Variants in CILP observed in about 807,000 individuals in gnomAD.
CILP encodes cartilage intermediate layer protein.
Under a neutral mutation model 82.5 loss-of-function variants are expected in CILP, and 75 were observed. That is an observed-to-expected ratio of 0.91 (90% CI 0.75 to 1.10). CILP has a LOEUF of 1.10. CILP is among the 50% of genes least tolerant of loss of function. The pLI, the probability that CILP is intolerant of heterozygous loss-of-function variation, is 0.00. For synonymous variants in CILP, 530 were observed against 580.3 expected, an observed-to-expected ratio of 0.91 and a Z score of 1.25; for missense variants, 1,479 against 1,530.8, an observed-to-expected ratio of 0.97 and a Z score of 0.56.
chr15:65,197,719 T>A lies in CILP; in HGVS notation c.2567A>T (p.Lys856Met). 1 of 1,612,968 alleles carries A rather than the reference T, an allele frequency of 6.2e-7. No homozygotes were observed. The highest frequency in any genetic ancestry group is 8.5e-7 in the Non-Finnish European group (1 of 1,180,028). Residue 856 changes from lysine to methionine, a missense_variant, in exon 9 of 9, where the codon AAG (lysine) becomes ATG (methionine). By Grantham distance (95) the Lys-to-Met change is moderately conservative. Transcript: ENST00000261883. Reference sequence around the variant, plus strand: ...ATGGTCCGTCCGACGGTAGTTGAGCTTGTTGAGATAGGGCTGAGGGACGCC... The same window carrying A: ...ATGGTCCGTCCGACGGTAGTTGAGCATGTTGAGATAGGGCTGAGGGACGCC... The part of the protein sequence containing the change: ...AIGVPQPYLN[K>M]LNYRRTDHED...
chr15:65,207,630 AG>A, intron 3 of CILP, 41 bp downstream of exon 3: 1 of 1,561,170 alleles, frequency 6.4e-7, no homozygotes, highest in Non-Finnish European at 8.8e-7. Flanking sequence ...AGCTCGTTAA[AG>A]GCTGCCCCTC....
Position 65,194,893 on chromosome 15 carries a change from G to C in CILP, c.*1838C>G, listed in dbSNP as rs983040629. 2 of 122,492 alleles carry C rather than the reference G, an allele frequency of 1.6e-5. No individual in the cohort carries two copies. The highest frequency in any genetic ancestry group is 3.3e-5 in the African/African-American group (1 of 30,462). 7.6% of individuals were successfully genotyped at this position (122,492 alleles called of 1,614,324 possible). ...ACCCTCCCCCTCCCCCCGTGAGTTT[G>C]AAGTGAACTGGTGGTCAGGTTGAAG... On this transcript the variant is annotated 3_prime_UTR_variant, in exon 9 of 9. Coordinates refer to ENST00000261883, the MANE Select transcript of CILP (RefSeq NM_003613.4).
At position 65,205,440 on chromosome 15, in the gene CILP, T is replaced by G; in HGVS notation, c.451A>C (p.Ile151Leu). ...PGSLRRDTER[I>L]WSPWSPWSKC... ...CTCCAGGGAGACCATGGGCTCCAGA[T>G]GCGCTCTGTGTCTCGGCGCAGGGAT... The change falls in exon 5 of 9, where the codon ATC (isoleucine) becomes CTC (leucine). Residue 151 changes from isoleucine to leucine, a missense_variant. By Grantham distance (5) the Ile-to-Leu change is conservative (BLOSUM62 2). Coordinates refer to ENST00000261883, the MANE Select transcript of CILP (RefSeq NM_003613.4). 3.1e-6 allele frequency: 5 copies of G among 1,612,046 alleles called. No homozygotes were observed. The highest frequency in any genetic ancestry group is 4.2e-6 in the Non-Finnish European group (5 of 1,178,398).
At chr15:65,201,512 G>A (rs1392791275) in intron 8 of CILP, among the ~76,000 whole-genome samples, 1 of 151,720 alleles carries the variant, frequency 6.6e-6, no homozygotes, top group Non-Finnish European at 1.5e-5. Context: ...AAGAGGTGGT[G>A]GGGGTCAGGA....
intron 1 of CILP, among the ~76,000 whole-genome samples, chr15:65,210,098 G>A (rs1038474404): frequency 2.0e-5 from 3 of 152,128 alleles, no homozygotes; most frequent in African/African-American, 7.2e-5. Context: ...ACATGGAGAT[G>A]AGGCACAAGG....
At position 65,198,584 on chromosome 15, in the gene CILP, T is replaced by G. The variant is rs373827827; in HGVS notation, c.1702A>C (p.Ile568Leu). ...NKKGSAVFHE[I>L]KMLRRKKPIT... ...GGCTTTTTCCGACGAAGCATCTTGA[T>G]TTCATGGAACACGGCACTCCCCTTC... The change falls in exon 9 of 9, where the codon ATC becomes CTC. Residue 568 changes from isoleucine to leucine, a missense_variant. Ile to Leu is a conservative substitution (Grantham distance 5). Coordinates refer to ENST00000261883, the MANE Select transcript of CILP (RefSeq NM_003613.4). 18 of 1,614,076 alleles carry G rather than the reference T, an allele frequency of 1.1e-5. No individual in the cohort carries two copies. Among genetic ancestry groups the G allele is most frequent in the Non-Finnish European group, 1.5e-5 (18 of 1,180,046 alleles).
intron 8 of CILP, among the ~76,000 whole-genome samples, chr15:65,201,027 A>G (rs1252846052): frequency 6.6e-6 from 1 of 151,512 alleles, no homozygotes; most frequent in Non-Finnish European, 1.5e-5. Flanking sequence ...TTTGAGACAG[A>G]GTCTTGCTCT....
chr15:65,206,035 C>G (rs1288793455), intron 4 of CILP, among the ~76,000 whole-genome samples: 1 of 152,130 alleles, frequency 6.6e-6, no homozygotes, highest in Non-Finnish European at 1.5e-5. Context: ...AGATCCCCAT[C>G]CAAGAAGGGA....
intron 7 of CILP, among the ~76,000 whole-genome samples, chr15:65,202,302 A>G (rs926081549): frequency 6.6e-6 from 1 of 152,210 alleles, no homozygotes; most frequent in Non-Finnish European, 1.5e-5. Flanking sequence ...TTTCTGGTCT[A>G]TAAAATGTCA....
chr15:65,197,194 C>G lies in CILP; in HGVS notation c.3092G>C (p.Gly1031Ala). The G allele has an allele frequency of 6.2e-7, 1 of 1,614,016 alleles. No individual in the cohort carries two copies. The change falls in exon 9 of 9, where the codon GGC becomes GCC. Residue 1031 changes from glycine (G) to alanine (A), a missense_variant. By Grantham distance (60) the Gly-to-Ala change is moderately conservative. Transcript: ENST00000261883. ...GTTCACACTGGCTCGACGGCAGCTG[C>G]CCTGGGGGATGACCTTCACCAGGGT... ...DRTLVKVIPQ[G>A]SCRRASVNPM... is the part of the protein sequence containing the mutation.
chr15:65,206,126 G>A (rs2088515210), intron 4 of CILP, among the ~76,000 whole-genome samples: 1 of 152,156 alleles, frequency 6.6e-6, no homozygotes, highest in African/African-American at 2.4e-5. Flanking sequence ...CACGGACATG[G>A]TTCAAACCCC....
chr15:65,196,951 C>T lies in CILP; in HGVS notation c.3335G>A (p.Gly1112Glu). ...TACACAGTTGAAGGTGAGGGCTACT[C>T]CCACATTGCTCTTCATGATTCTGGA... ...GSSRIMKSNV[G>E]VALTFNCVER... The change falls in exon 9 of 9, where the codon GGA becomes GAA. Residue 1112 changes from glycine (G) to glutamate (E), a missense_variant. Gly to Glu is a moderately conservative substitution (Grantham distance 98). Transcript: ENST00000261883. 1 of 1,613,848 alleles carries T rather than the reference C, an allele frequency of 6.2e-7. No individual in the cohort carries two copies. The highest frequency in any genetic ancestry group is 8.5e-7 in the Non-Finnish European group (1 of 1,179,872).
chr15:65,201,556 C>T (rs1193980434), intron 8 of CILP, among the ~76,000 whole-genome samples: 1 of 151,734 alleles, frequency 6.6e-6, no homozygotes, highest in Non-Finnish European at 1.5e-5. Context: ...TGGCGAAACA[C>T]CATCTCTACT....
chr15:65,206,350 C>T (rs1436240096), intron 4 of CILP, among the ~76,000 whole-genome samples: 3 of 152,126 alleles, frequency 2.0e-5, no homozygotes, highest in Admixed American at 1.3e-4. Flanking sequence ...TCATTTAATC[C>T]TCATTAAAAA....
intron 5 of CILP, 35 bp downstream of exon 5, chr15:65,205,252 C>A: frequency 6.4e-7 from 1 of 1,565,048 alleles, no homozygotes; most frequent in South Asian, 1.2e-5. Context: ...CCTCACCCAC[C>A]ACACCCTGCC....
At position 65,198,695 on chromosome 15, in the gene CILP, G is replaced by T. The variant is rs762490225; in HGVS notation, c.1591C>A (p.Pro531Thr). The T allele has an allele frequency of 6.2e-7, 1 of 1,614,194 alleles. No individual in the cohort carries two copies. The highest frequency in any genetic ancestry group is 1.1e-5 in the South Asian group (1 of 91,082). ...AGCACCAGCCTCTCAGTGTCCTGGGGGACATGGAGGGTGAAAGTGCCCTTG... is the reference window on the plus strand; with the variant it reads ...AGCACCAGCCTCTCAGTGTCCTGGGTGACATGGAGGGTGAAAGTGCCCTTG... Reference protein sequence around the residue: ...GYKGTFTLHVPQDTERLVLTF... With the variant: ...GYKGTFTLHVTQDTERLVLTF... Residue 531 changes from proline (P) to threonine (T), a missense_variant, in exon 9 of 9, where the codon CCC (proline) becomes ACC (threonine). Pro to Thr is a conservative substitution (Grantham distance 38). Coordinates refer to ENST00000261883, the MANE Select transcript of CILP (RefSeq NM_003613.4).
In CILP at chr15:65,198,621, T is replaced by A; in HGVS notation, c.1665A>T (p.Leu555=). Residue 555 remains leucine (L), a synonymous_variant, in exon 9 of 9, where the codon CTA becomes CTT. Transcript: ENST00000261883. ...LQKFVNTTKV[L]PFNKKGSAVF... is the part of the protein sequence containing the mutation. ...CGGCACTCCCCTTCTTGTTGAAAGG[T>A]AGCACTTTGGTGGTGTTGACAAACT... 1 of 1,614,218 alleles carries A rather than the reference T, an allele frequency of 6.2e-7. No homozygotes were observed. Among genetic ancestry groups the A allele is most frequent in the African/African-American group, 1.3e-5 (1 of 75,060 alleles).
rs764822208 is a variant in CILP, at chr15:65,206,981, G to A, written c.225C>T (p.Asp75=). Reference sequence around the variant, plus strand: ...GGTCCCCATAGTAGAAGCGAATGGCGTCCAGCCGCTCATAGTCGCCCTTCC... The same window carrying A: ...GGTCCCCATAGTAGAAGCGAATGGCATCCAGCCGCTCATAGTCGCCCTTCC... The part of the protein sequence containing the change: ...PGGKGDYERL[D]AIRFYYGDRV... The change falls in exon 4 of 9, where the codon GAC becomes GAT. Residue 75 remains aspartate, a synonymous_variant. Coordinates refer to ENST00000261883, the MANE Select transcript of CILP (RefSeq NM_003613.4). The A allele has an allele frequency of 5.0e-5, 80 of 1,613,942 alleles. No individual in the cohort carries two copies. The highest frequency in any genetic ancestry group is 1.7e-4 in the Middle Eastern group (1 of 6,052).
Position 65,204,334 on chromosome 15 carries a change from T to C in CILP, c.853A>G (p.Ile285Val), listed in dbSNP as rs376209768. 2.5e-6 allele frequency: 4 copies of C among 1,614,048 alleles called. No individual in the cohort carries two copies. In the African/African-American group the frequency reaches 4.0e-5, roughly 16 times the overall value. ...LKITKVKFAP[I>V]VLTMPKTSLK... ...CTAGTCTTGGGCATTGTGAGTACAA[T>C]GGGGGCAAACTTGACCTTTGTGATC... The change falls in exon 6 of 9, where the codon ATT becomes GTT. Residue 285 changes from isoleucine to valine, a missense_variant. By Grantham distance (29) the Ile-to-Val change is conservative. Coordinates refer to ENST00000261883, the MANE Select transcript of CILP (RefSeq NM_003613.4).
Sources: gnomAD v4.1 joint callset for allele counts (sites outside exome capture counted in the v4.1 genomes callset) on GRCh38, gnomAD v4.1.1 for gene constraint, MANE v1.5 for transcripts, NCBI Gene and HGNC (gene_info 2026-07-23, HGNC 2026-07-21) for gene names.